PABPC4L: variants seen among roughly 807,000 people sequenced by gnomAD.
PABPC4L encodes poly(A) binding protein cytoplasmic 4 like.
For synonymous variants in PABPC4L, 169 were observed against 164.1 expected, an observed-to-expected ratio of 1.03 and a Z score of -0.23; for missense variants, 452 against 451.4, an observed-to-expected ratio of 1.00 and a Z score of -0.01.
chr4:134,126,144 G>GAA, the PABPC4L span, among the ~76,000 whole-genome samples: 1 of 152,174 alleles, frequency 6.6e-6, no homozygotes, highest in African/African-American at 2.4e-5. Flanking sequence ...GAGAGAGAGA[G>GAA]AATGCATCAT....
the PABPC4L span, among the ~76,000 whole-genome samples, chr4:134,131,115 C>T: frequency 2.0e-5 from 3 of 151,974 alleles, no homozygotes; most frequent in African/African-American, 7.2e-5. Context: ...GAAAGCATCC[C>T]CCCTGAGAAC....
At position 134,200,859 on chromosome 4, in the gene PABPC4L, G is replaced by T. The variant is rs1174334869; in HGVS notation, c.161C>A (p.Ala54Asp). The change falls in exon 2 of 2, where the codon GCC becomes GAC. Residue 54 changes from alanine (A) to aspartate (D), a missense_variant. Physicochemically the swap from Ala to Asp is moderately radical, Grantham distance 126. Coordinates refer to ENST00000421491, the MANE Select transcript of PABPC4L (RefSeq NM_001114734.2). The stretch of plus-strand genomic sequence containing the variant: ...AGCCAGCTGCAAGAAGTTCACGTAG[G>T]CATAGCCCAGAGAGCGGCGGGTGAC... ...DQVTRRSLGY[A>D]YVNFLQLADA... The T allele has an allele frequency of 6.4e-7, 1 of 1,572,498 alleles. No individual in the cohort carries two copies. Among genetic ancestry groups the T allele is most frequent in the Non-Finnish European group, 8.6e-7 (1 of 1,158,522 alleles).
At chr4:133,960,663 C>A in the PABPC4L span, among the ~76,000 whole-genome samples, 6 of 152,210 alleles carry the variant, frequency 3.9e-5, no homozygotes, top group South Asian at 1.2e-3. Flanking sequence ...AGGCAGGTAT[C>A]CTGGGGCAAG....
At chr4:134,120,464 G>A in the PABPC4L span, among the ~76,000 whole-genome samples, 2 of 149,246 alleles carry the variant, frequency 1.3e-5, no homozygotes, top group South Asian at 2.1e-4. Flanking sequence ...ATATTATAAT[G>A]TTCTTCATTC....
chr4:133,962,456 G>C, the PABPC4L span, among the ~76,000 whole-genome samples: 1 of 152,180 alleles, frequency 6.6e-6, no homozygotes, highest in Admixed American at 6.5e-5. Context: ...AACTTCAGGA[G>C]ACATCGGACA....
At chr4:134,149,682 T>C in the PABPC4L span, among the ~76,000 whole-genome samples, 1 of 152,142 alleles carries the variant, frequency 6.6e-6, no homozygotes, top group African/African-American at 2.4e-5. Context: ...CCGTAGCAAA[T>C]GCTATAAGAC....
the PABPC4L span, among the ~76,000 whole-genome samples, chr4:134,156,373 G>A: frequency 8.6e-5 from 13 of 151,752 alleles, no homozygotes; most frequent in African/African-American, 2.7e-4. Context: ...AATAGTGCTC[G>A]TTACCTCTTA....
chr4:134,157,577 T>G, the PABPC4L span, among the ~76,000 whole-genome samples: 5,500 of 151,870 alleles, frequency 0.036, 747 homozygotes, highest in East Asian at 0.47. Context: ...GGCATAAAAA[T>G]TAATGGCTGT....
At chr4:133,948,902 G>A in the PABPC4L span, among the ~76,000 whole-genome samples, 1 of 152,154 alleles carries the variant, frequency 6.6e-6, no homozygotes, top group Non-Finnish European at 1.5e-5. Flanking sequence ...TTATTGCCTG[G>A]TGAGTTGAAG....
the PABPC4L span, among the ~76,000 whole-genome samples, chr4:134,095,236 A>C: frequency 8.4e-4 from 128 of 152,044 alleles, no homozygotes; most frequent in Non-Finnish European, 1.3e-3. Flanking sequence ...ATCTGATGGT[A>C]TTGTTCTGAA....
At chr4:134,043,248 C>T in the PABPC4L span, among the ~76,000 whole-genome samples, 1 of 152,082 alleles carries the variant, frequency 6.6e-6, no homozygotes, top group African/African-American at 2.4e-5. Flanking sequence ...AGAATTGATG[C>T]TATTAGTTTA....
chr4:133,982,590 T>C, the PABPC4L span, among the ~76,000 whole-genome samples: 1 of 152,024 alleles, frequency 6.6e-6, no homozygotes, highest in South Asian at 2.1e-4. Context: ...TATTAATAAA[T>C]AGTAAGAAGT....
At chr4:134,042,856 G>A in the PABPC4L span, among the ~76,000 whole-genome samples, 1 of 152,118 alleles carries the variant, frequency 6.6e-6, no homozygotes, top group Non-Finnish European at 1.5e-5. Context: ...CCCTGAGAAT[G>A]AATATAGTCA....
chr4:134,129,195 G>A, the PABPC4L span, among the ~76,000 whole-genome samples: 1 of 151,970 alleles, frequency 6.6e-6, no homozygotes, highest in East Asian at 1.9e-4. Flanking sequence ...CTATACCTAA[G>A]AAATGAGATA....
At chr4:133,953,120 G>T in the PABPC4L span, among the ~76,000 whole-genome samples, 1 of 152,126 alleles carries the variant, frequency 6.6e-6, no homozygotes, top group African/African-American at 2.4e-5. Flanking sequence ...TCATAAAGGG[G>T]ATCACATTCT....
At chr4:133,972,505 G>T in the PABPC4L span, among the ~76,000 whole-genome samples, 1 of 152,064 alleles carries the variant, frequency 6.6e-6, no homozygotes, top group Non-Finnish European at 1.5e-5. Context: ...CCATCTCTGG[G>T]AGTTCCTTTG....
the PABPC4L span, among the ~76,000 whole-genome samples, chr4:134,003,226 G>C: frequency 6.6e-6 from 1 of 151,904 alleles, no homozygotes; most frequent in South Asian, 2.1e-4. Context: ...TTCACGGAAA[G>C]GAGAATATGC....
chr4:134,075,591 A>G, the PABPC4L span, among the ~76,000 whole-genome samples: 1 of 152,112 alleles, frequency 6.6e-6, no homozygotes, highest in African/African-American at 2.4e-5. Context: ...TATTCCCCCA[A>G]GCGGACACTA....
the PABPC4L span, among the ~76,000 whole-genome samples, chr4:133,995,395 G>C: frequency 1.3e-5 from 2 of 152,130 alleles, no homozygotes; most frequent in East Asian, 1.9e-4. Flanking sequence ...CAGTTGACAT[G>C]CTCATGTAAG....
Sources: gnomAD v4.1 joint callset for allele counts (sites outside exome capture counted in the v4.1 genomes callset) on GRCh38, gnomAD v4.1.1 for gene constraint, MANE v1.5 for transcripts, NCBI Gene and HGNC (gene_info 2026-07-23, HGNC 2026-07-21) for gene names.